Variants in DNAH11 observed in about 807,000 individuals in gnomAD.
DNAH11 encodes dynein axonemal heavy chain 11.
In DNAH11, 442 loss-of-function variants were observed where a neutral mutation model predicts 526.0. The ratio of observed to expected loss-of-function variants is 0.84; its 90% CI spans 0.78 to 0.91. DNAH11 has a LOEUF of 0.91. Among genes scored for constraint, DNAH11 ranks in the 40% least tolerant of loss-of-function variants. The pLI, the probability that DNAH11 is intolerant of heterozygous loss-of-function variation, is 0.00. For missense variants in DNAH11, 6,989 were observed against 5,448.7 expected (o/e 1.28, Z -8.90); for synonymous variants, 2,461 against 1,935.9 (o/e 1.27, Z -7.12).
Position 21,735,677 on chromosome 7 carries a change from G to C in DNAH11, c.7478G>C (p.Arg2493Thr), listed in dbSNP as rs1373940087. The change falls in exon 46 of 82, where the codon AGA (arginine) becomes ACA (threonine). Residue 2493 changes from arginine to threonine, a missense_variant. Physicochemically the swap from Arg to Thr is moderately conservative, Grantham distance 71 (BLOSUM62 -1). Transcript: ENST00000409508. ...LVHTTETARL[R>T]YFMELLLEKG... is the part of the protein sequence containing the mutation. ...CACACAACAGAGACAGCTCGTCTTA[G>C]ATATTTCATGGAGTTGTTGCTTGAG... The C allele has an allele frequency of 6.2e-7, 1 of 1,609,948 alleles. No individual in the cohort carries two copies. Among genetic ancestry groups the C allele is most frequent in the Non-Finnish European group, 8.5e-7 (1 of 1,177,732 alleles).
chr7:21,825,874 G>A (rs1181960480), intron 65 of DNAH11, among the ~76,000 whole-genome samples: 2 of 151,652 alleles, frequency 1.3e-5, no homozygotes, highest in African/African-American at 2.4e-5. Flanking sequence ...CAGGAGAACG[G>A]CATGAACCTG....
At chr7:21,547,729 G>T (rs1396364055) in intron 2 of DNAH11, among the ~76,000 whole-genome samples, 1 of 152,204 alleles carries the variant, frequency 6.6e-6, no homozygotes, top group Non-Finnish European at 1.5e-5. Flanking sequence ...CTGGCTGCCA[G>T]TACTTAGATT....
chr7:21,805,480 C>T (rs1187957040), intron 62 of DNAH11, among the ~76,000 whole-genome samples: 1 of 151,938 alleles, frequency 6.6e-6, no homozygotes, highest in African/African-American at 2.4e-5. Context: ...AATTCTGGAG[C>T]CTTTTGAAGA....
At chr7:21,545,273 T>TAAAAA (rs1286789068) in intron 2 of DNAH11, 124 bp downstream of exon 2, 10 of 113,538 alleles carry the variant, frequency 8.8e-5, no homozygotes, top group South Asian at 1.2e-4. Context: ...ATGGGGGTGG[T>TAAAAA]TAAAAAAAAA....
chr7:21,774,943 G>C (rs2127979951), intron 56 of DNAH11, among the ~76,000 whole-genome samples: 2 of 152,280 alleles, frequency 1.3e-5, no homozygotes, highest in East Asian at 3.9e-4. Flanking sequence ...TGCTTTACAA[G>C]GATTGGGGCA....
intron 36 of DNAH11, among the ~76,000 whole-genome samples, chr7:21,701,233 ACT>A (rs1784044474): frequency 6.6e-6 from 1 of 151,310 alleles, no homozygotes; most frequent in Non-Finnish European, 1.5e-5. Flanking sequence ...TTCTATTGTG[ACT>A]CAGTGCATAC....
rs1785781767 is a variant in DNAH11, at chr7:21,616,311, T to C, written c.4095+19T>C. The C allele has an allele frequency of 1.3e-6, 2 of 1,591,574 alleles. No individual in the cohort carries two copies. The highest frequency in any genetic ancestry group is 1.7e-5 in the Admixed American group (1 of 59,148). On this transcript the variant is annotated intron_variant, in intron 22 of 81. Transcript: ENST00000409508. ...TGCCAAGGCGAGTTCCATAACTGTC[T>C]ATTACAACAATTTATCTTTCTCAGC... is the stretch of plus-strand genomic sequence containing the variant.
intron 65 of DNAH11, among the ~76,000 whole-genome samples, chr7:21,831,800 G>A (rs1781784956): frequency 6.6e-6 from 1 of 152,158 alleles, no homozygotes; most frequent in Non-Finnish European, 1.5e-5. Flanking sequence ...CCAGTTAAAA[G>A]CTTCTGTTGG....
At chr7:21,900,828 G>A in intron 81 of DNAH11, 179 bp from the exon 82 acceptor site, 2 of 964,936 alleles carry the variant, frequency 2.1e-6, no homozygotes, top group Non-Finnish European at 2.9e-6. Flanking sequence ...TGCCTCCGCT[G>A]CAGGCAGGGT....
At chr7:21,793,418 C>A (rs1583701600) in intron 61 of DNAH11, among the ~76,000 whole-genome samples, 2 of 151,880 alleles carry the variant, frequency 1.3e-5, no homozygotes, top group East Asian at 3.9e-4. Context: ...GAGATTGAGA[C>A]CATCCTGGCC....
intron 55 of DNAH11, among the ~76,000 whole-genome samples, chr7:21,773,130 G>C (rs1431949218): frequency 6.6e-6 from 1 of 152,100 alleles, no homozygotes; most frequent in Non-Finnish European, 1.5e-5. Flanking sequence ...AACTACTTCA[G>C]AAGTCATAGA....
Position 21,691,507 on chromosome 7 carries a change from T to G in DNAH11, c.6041+626T>G, listed in dbSNP as rs1178491675. Among the ~76,000 whole-genome samples, 5 of 152,038 alleles carry G rather than the reference T, an allele frequency of 3.3e-5. No homozygotes were observed. The East Asian group carries it at 9.6e-4, about 29-fold the overall frequency. On this transcript the variant is annotated intron_variant, in intron 35 of 81. Coordinates refer to ENST00000409508, the MANE Select transcript of DNAH11 (RefSeq NM_001277115.2). ...AGCCCACTCTAGCCGCAGGGTCCCCTCCCTGAGGGCCCTGGTCCAGAATCT... is the reference window on the plus strand; with the variant it reads ...AGCCCACTCTAGCCGCAGGGTCCCCGCCCTGAGGGCCCTGGTCCAGAATCT...
At chr7:21,766,173 A>T (rs1176988971) in intron 55 of DNAH11, among the ~76,000 whole-genome samples, 2 of 152,176 alleles carry the variant, frequency 1.3e-5, no homozygotes, top group East Asian at 3.8e-4. Context: ...TTTAAAATTT[A>T]AAATCAAATT....
chr7:21,877,184 C>G (rs996085439), intron 74 of DNAH11, among the ~76,000 whole-genome samples: 2 of 152,138 alleles, frequency 1.3e-5, no homozygotes, highest in Non-Finnish European at 2.9e-5. Flanking sequence ...TTAGACAAGT[C>G]AACTGTACTG....
intron 51 of DNAH11, among the ~76,000 whole-genome samples, chr7:21,748,000 G>T (rs1786223354): frequency 6.6e-6 from 1 of 152,128 alleles, no homozygotes; most frequent in Non-Finnish European, 1.5e-5. Context: ...TGGACTTTTG[G>T]TGGTGACAAC....
intron 30 of DNAH11, among the ~76,000 whole-genome samples, chr7:21,674,402 C>T (rs1171845424): frequency 6.6e-6 from 1 of 151,958 alleles, no homozygotes; most frequent in African/African-American, 2.4e-5. Context: ...GCTCTGTCAC[C>T]CAGGCTGGAG....
chr7:21,572,126 T>C (rs1783918194), intron 8 of DNAH11, among the ~76,000 whole-genome samples, 153 bp downstream of exon 8: 1 of 151,812 alleles, frequency 6.6e-6, no homozygotes. Context: ...TGTAGCTACT[T>C]AGTTAGTAGA....
At chr7:21,578,352 A>G (rs1260429426) in intron 8 of DNAH11, among the ~76,000 whole-genome samples, 2 of 152,258 alleles carry the variant, frequency 1.3e-5, no homozygotes, top group African/African-American at 2.4e-5. Flanking sequence ...ATTACATCTT[A>G]AAGCTCCAAA....
intron 25 of DNAH11, among the ~76,000 whole-genome samples, chr7:21,623,438 C>T (rs1388212682): frequency 7.9e-5 from 12 of 152,164 alleles, no homozygotes; most frequent in South Asian, 6.2e-4. Flanking sequence ...CTAGAAATAC[C>T]GTTTGACCCA....
Sources: gnomAD v4.1 joint callset for allele counts (sites outside exome capture counted in the v4.1 genomes callset) on GRCh38, gnomAD v4.1.1 for gene constraint, MANE v1.5 for transcripts, NCBI Gene and HGNC (gene_info 2026-07-23, HGNC 2026-07-21) for gene names.